DTHD1: variants seen among roughly 807,000 people sequenced by gnomAD.
DTHD1 encodes the protein death domain-containing protein 1.
Under a neutral mutation model 74.8 loss-of-function variants are expected in DTHD1, and 59 were observed. That is an observed-to-expected ratio of 0.79 (90% confidence interval 0.64 to 0.98). The LOEUF is 0.98. Among genes scored for constraint, DTHD1 ranks in the 50% least tolerant of loss-of-function variants. The probability of loss-of-function intolerance (pLI) is 0.00; values close to 1 mark genes in which losing one functional copy is unlikely to be tolerated. For synonymous variants in DTHD1, 365 were observed against 371.1 expected (o/e 0.98, Z 0.19); for missense variants, 1,051 against 1,065.4 (o/e 0.99, Z 0.19).
rs776034617 is a variant in DTHD1, at chr4:36,294,897, T to C, written c.1501T>C (p.Ser501Pro). 1.2e-4 allele frequency: 180 copies of C among 1,551,850 alleles called. No individual in the cohort carries two copies. Among genetic ancestry groups the C allele is most frequent in the Non-Finnish European group, 1.5e-4 (172 of 1,146,834 alleles). Residue 501 changes from serine to proline, a missense_variant, in exon 5 of 10, where the codon TCA becomes CCA. Coordinates refer to ENST00000639862, the MANE Select transcript of DTHD1 (RefSeq NM_001170700.3). ...TSPLIHIQHP[S>P]TYPFQKPVTL... ...CCCTCTGATTCACATTCAGCACCCA[T>C]CAACTTATCCTTTTCAGAAGCCAGT...
At position 36,282,018 on chromosome 4, in the gene DTHD1, T is replaced by C. The variant is rs1755429039; in HGVS notation, c.260T>C (p.Val87Ala). Reference sequence around the variant, plus strand: ...CTGCTTGACAAAGAGAATCAATGTGTCTCGAGAAAAGGCAAGTATTCTTTT... The same window carrying C: ...CTGCTTGACAAAGAGAATCAATGTGCCTCGAGAAAAGGCAAGTATTCTTTT... ...HVLLDKENQCVSRKEIITFID... is the reference protein window; with the variant it reads ...HVLLDKENQCASRKEIITFID... The change falls in exon 1 of 10, where the codon GTC (valine) becomes GCC (alanine). Residue 87 changes from valine (V) to alanine (A), a missense_variant. Physicochemically the swap from Val to Ala is moderately conservative, Grantham distance 64 (BLOSUM62 0). Transcript: ENST00000639862. 2.0e-6 allele frequency: 3 copies of C among 1,523,586 alleles called. No homozygotes were observed. The highest frequency in any genetic ancestry group is 2.6e-6 in the Non-Finnish European group (3 of 1,132,370). The allele number at this position is 1,523,586 out of a possible 1,614,324, so 94.4% of individuals were successfully genotyped here. A position where few individuals can be genotyped will look rare whatever the true frequency, so the allele number is the denominator to read the frequency against.
Position 36,343,827 on chromosome 4 carries a change from G to T in DTHD1, c.*3G>T. 1 of 1,538,808 alleles carries T rather than the reference G, an allele frequency of 6.5e-7. No homozygotes were observed. Among genetic ancestry groups the T allele is most frequent in the Non-Finnish European group, 8.8e-7 (1 of 1,139,540 alleles). On this transcript the variant is annotated 3_prime_UTR_variant, in exon 10 of 10. Transcript: ENST00000639862. ...GTTTTGATGTAGCCCCTGAGTAAAA[G>T]CCTGATCTCTCTTCCTTTACCCCTA...
At chr4:36,338,780 A>G (rs1010572189) in intron 8 of DTHD1, among the ~76,000 whole-genome samples, 3 of 152,116 alleles carry the variant, frequency 2.0e-5, no homozygotes, top group Admixed American at 2.0e-4. Flanking sequence ...CCATCTTTAC[A>G]GCATGCTGGT....
intron 8 of DTHD1, among the ~76,000 whole-genome samples, chr4:36,337,722 T>C (rs1004931834): frequency 5.9e-5 from 9 of 152,232 alleles, no homozygotes; most frequent in African/African-American, 1.9e-4. Context: ...TATGTAATAT[T>C]TGTGACAAGG....
At position 36,310,154 on chromosome 4, in the gene DTHD1, G is replaced by A. The variant is rs58247940; in HGVS notation, c.2095+1661G>A. Among the ~76,000 whole-genome samples the A allele has an allele frequency of 5.8e-3, 878 of 152,248 alleles. 3 individuals carry two copies. The highest frequency in any genetic ancestry group is 0.02 in the African/African-American group (837 of 41,552). ...CTTTGCTATTGTAAATAGTGCTGCA[G>A]TGAACATGCAAGTGCTTTTGATAAG... On this transcript the variant is annotated intron_variant, in intron 7 of 9. Transcript: ENST00000639862.
chr4:36,327,980 T>C (rs1758449416), intron 8 of DTHD1, among the ~76,000 whole-genome samples: 1 of 151,986 alleles, frequency 6.6e-6, no homozygotes, highest in Non-Finnish European at 1.5e-5. Context: ...CCCCTCCCCT[T>C]GAAAAAACTA....
chr4:36,287,997 T>TA (rs1478162507), intron 2 of DTHD1, among the ~76,000 whole-genome samples: 3 of 152,188 alleles, frequency 2.0e-5, no homozygotes, highest in Non-Finnish European at 2.9e-5. Context: ...AGTTAAGTCC[T>TA]ATATATTTTT....
chr4:36,294,886 T>C lies in DTHD1; in HGVS notation c.1490T>C (p.Ile497Thr). The C allele has an allele frequency of 2.6e-6, 4 of 1,551,976 alleles. No homozygotes were observed. Among genetic ancestry groups the C allele is most frequent in the Non-Finnish European group, 3.5e-6 (4 of 1,146,824 alleles). ...SVQSTSPLIHIQHPSTYPFQK... is the reference protein window; with the variant it reads ...SVQSTSPLIHTQHPSTYPFQK... ...CAATCCACAAGCCCTCTGATTCACA[T>C]TCAGCACCCATCAACTTATCCTTTT... is the stretch of plus-strand genomic sequence containing the variant. The change falls in exon 5 of 10, where the codon ATT becomes ACT. Residue 497 changes from isoleucine to threonine, a missense_variant. Physicochemically the swap from Ile to Thr is moderately conservative, Grantham distance 89. Coordinates refer to ENST00000639862, the MANE Select transcript of DTHD1 (RefSeq NM_001170700.3).
In DTHD1 at chr4:36,297,937, C is replaced by T. The variant is rs562287527; in HGVS notation, c.1643+2898C>T. Among the ~76,000 whole-genome samples the T allele has an allele frequency of 8.5e-4, 126 of 149,018 alleles. 2 individuals are homozygous for T. The South Asian group carries it at 0.024, about 29-fold the overall frequency. ...AATTGTGTGTGTGTGTGTGTGTGCA[C>T]GTGTGTGTGTGTGTGTGTTTATGTG... On this transcript the variant is annotated intron_variant, in intron 5 of 9. Transcript: ENST00000639862.
At chr4:36,292,536 C>T (rs1370618885) in intron 3 of DTHD1, among the ~76,000 whole-genome samples, 1 of 152,140 alleles carries the variant, frequency 6.6e-6, no homozygotes, top group African/African-American at 2.4e-5. Flanking sequence ...GCACAGCAAC[C>T]ACTGTTGGTT....
chr4:36,336,096 G>A (rs997843812), intron 8 of DTHD1, among the ~76,000 whole-genome samples: 2 of 152,186 alleles, frequency 1.3e-5, no homozygotes, highest in Admixed American at 1.3e-4. Context: ...ATAATTCAGG[G>A]AAAACAGCCA....
intron 7 of DTHD1, chr4:36,315,565 G>C (rs1757663268): frequency 2.6e-5 from 4 of 152,332 alleles, no homozygotes; most frequent in Middle Eastern, 6.8e-3. Flanking sequence ...TTATAGGAGA[G>C]TGCAGTTCTA....
intron 8 of DTHD1, among the ~76,000 whole-genome samples, chr4:36,338,147 C>T (rs551629344): frequency 3.9e-5 from 6 of 152,276 alleles, no homozygotes; most frequent in South Asian, 4.1e-4. Context: ...CATCAGTAAC[C>T]CTTGGCAATC....
Position 36,284,023 on chromosome 4 carries a change from G to A in DTHD1, c.319G>A (p.Gly107Arg). The A allele has an allele frequency of 6.5e-7, 1 of 1,536,992 alleles. No homozygotes were observed. Among genetic ancestry groups the A allele is most frequent in the South Asian group, 1.2e-5 (1 of 84,044 alleles). ...DCLIKITEHL[G>R]STAALLKKEE... ...CCTCATAAAAATAACTGAACATTTG[G>A]GGAGCACTGCTGCACTTCTAAAGAA... The change falls in exon 2 of 10, where the codon GGG (glycine) becomes AGG (arginine). Residue 107 changes from glycine (G) to arginine (R), a missense_variant. By Grantham distance (125) the Gly-to-Arg change is moderately radical. Coordinates refer to ENST00000639862, the MANE Select transcript of DTHD1 (RefSeq NM_001170700.3).
chr4:36,314,511 CAA>C (rs35806275), intron 7 of DTHD1, among the ~76,000 whole-genome samples: 35 of 74,468 alleles, frequency 4.7e-4, no homozygotes, highest in African/African-American at 1.7e-3. Flanking sequence ...CCCGTCTCTA[CAA>C]AAAAAAAAAA....
At position 36,281,986 on chromosome 4, in the gene DTHD1, G is replaced by A. The variant is rs1374157575; in HGVS notation, c.228G>A (p.Leu76=). The A allele has an allele frequency of 2.6e-6, 4 of 1,514,902 alleles. No homozygotes were observed. The South Asian group carries it at 3.8e-5, about 15-fold the overall frequency. The allele number at this position is 1,514,902 out of a possible 1,614,324, so 93.8% of individuals were successfully genotyped here. A position where few individuals can be genotyped will look rare whatever the true frequency, so the allele number is the denominator to read the frequency against. The stretch of plus-strand genomic sequence containing the variant: ...CCCTGCGTTCCACCTGCCAGCAGCT[G>A]CATGTGCTGCTTGACAAAGAGAATC... ...SGTLRSTCQQ[L]HVLLDKENQC... is the part of the protein sequence containing the mutation. Residue 76 remains leucine (L), a synonymous_variant, in exon 1 of 10, where the codon CTG becomes CTA. Coordinates refer to ENST00000639862, the MANE Select transcript of DTHD1 (RefSeq NM_001170700.3).
intron 5 of DTHD1, among the ~76,000 whole-genome samples, chr4:36,297,811 T>C (rs1001141979): frequency 3.9e-5 from 6 of 152,164 alleles, no homozygotes; most frequent in East Asian, 1.9e-4. Flanking sequence ...ACCCACAGAA[T>C]CAATTCCTCG....
chr4:36,286,924 A>G (rs938428336), intron 2 of DTHD1, among the ~76,000 whole-genome samples: 2 of 152,164 alleles, frequency 1.3e-5, no homozygotes, highest in African/African-American at 4.8e-5. Context: ...GTATGCCTTT[A>G]TGTTCTATAT....
At chr4:36,287,757 A>G (rs986557814) in intron 2 of DTHD1, among the ~76,000 whole-genome samples, 12 of 152,120 alleles carry the variant, frequency 7.9e-5, no homozygotes, top group African/African-American at 2.7e-4. Context: ...ATTTTTTCAT[A>G]TGTTTGTTGA....
Sources: allele counts gnomAD v4.1 joint callset (sites outside exome capture counted in the v4.1 genomes callset), GRCh38; gene constraint gnomAD v4.1.1; transcripts MANE v1.5; gene names NCBI Gene and HGNC (gene_info 2026-07-23, HGNC 2026-07-21).